Variants in ADAMTS3 observed in about 807,000 individuals in gnomAD.
ADAMTS3 encodes the protein ADAM metallopeptidase with thrombospondin type 1 motif 3.
ADAMTS3 carries 73 observed loss-of-function variants against 129.0 expected under a neutral mutation model. The observed-to-expected ratio is 0.57, with a 90% CI of 0.47 to 0.69. The LOEUF is 0.69. Among genes scored for constraint, ADAMTS3 ranks in the 30% least tolerant of loss-of-function variants. ADAMTS3 has a pLI of 0.00. For missense variants in ADAMTS3, 1,457 were observed against 1,514.5 expected (o/e 0.96, Z 0.63); for synonymous variants, 477 against 510.8 (o/e 0.93, Z 0.89).
intron 4 of ADAMTS3, among the ~76,000 whole-genome samples, chr4:72,408,339 C>T (rs889997089): frequency 3.9e-5 from 6 of 152,022 alleles, no homozygotes; most frequent in Admixed American, 2.6e-4. Flanking sequence ...AATAACCTAA[C>T]TGAATCCTCC....
chr4:72,418,062 T>C (rs1722353769), intron 3 of ADAMTS3, among the ~76,000 whole-genome samples: 2 of 152,092 alleles, frequency 1.3e-5, no homozygotes, highest in Admixed American at 1.3e-4. Context: ...ACATGCCTAC[T>C]GAAATTCAAT....
At chr4:72,357,903 T>A (rs190414003) in intron 4 of ADAMTS3, among the ~76,000 whole-genome samples, 2 of 151,970 alleles carry the variant, frequency 1.3e-5, no homozygotes. Flanking sequence ...AGGATAGAAA[T>A]ATGACTTTGT....
chr4:72,327,269 A>G (rs1011612622), intron 5 of ADAMTS3, among the ~76,000 whole-genome samples: 4 of 152,172 alleles, frequency 2.6e-5, no homozygotes. Flanking sequence ...TGAATCTGTC[A>G]AGATGGGCTA....
intron 3 of ADAMTS3, among the ~76,000 whole-genome samples, chr4:72,527,353 T>C (rs1215471109): frequency 6.6e-6 from 1 of 152,178 alleles, no homozygotes; most frequent in Non-Finnish European, 1.5e-5. Flanking sequence ...CTTTATAGCA[T>C]TTATGCCAGC....
intron 4 of ADAMTS3, among the ~76,000 whole-genome samples, chr4:72,354,709 T>C (rs960357494): frequency 1.1e-4 from 16 of 152,046 alleles, no homozygotes; most frequent in African/African-American, 3.4e-4. Flanking sequence ...CTCAACATAA[T>C]ATATCCTTCA....
At position 72,347,378 on chromosome 4, in the gene ADAMTS3, C is replaced by T. The variant is rs573635324; in HGVS notation, c.662-7685G>A. On this transcript the variant is annotated intron_variant, in intron 4 of 21. Coordinates refer to ENST00000286657, the MANE Select transcript of ADAMTS3 (RefSeq NM_014243.3). ...CCTGATAAATAAGCCCATTTATACC[C>T]TTTCTCTGCTACAGTCATCAATAGT... Among the ~76,000 whole-genome samples the T allele has an allele frequency of 4.9e-4, 75 of 151,874 alleles. No homozygotes were observed. In the South Asian group the frequency reaches 0.015, roughly 30 times the overall value.
intron 21 of ADAMTS3, among the ~76,000 whole-genome samples, chr4:72,285,769 CAA>C (rs5859311): frequency 0.24 from 22,842 of 93,448 alleles, 1,772 homozygotes; most frequent in South Asian, 0.41. Flanking sequence ...AGCTTACAGG[CAA>C]AAAAAAAAAA....
intron 3 of ADAMTS3, among the ~76,000 whole-genome samples, chr4:72,498,422 C>A (rs997974175): frequency 1.3e-5 from 2 of 151,644 alleles, no homozygotes; most frequent in Non-Finnish European, 2.9e-5. Flanking sequence ...AAGAGTTTTA[C>A]TAGAAAAGCC....
intron 4 of ADAMTS3, among the ~76,000 whole-genome samples, chr4:72,395,566 G>A (rs1721706148): frequency 6.6e-6 from 1 of 152,168 alleles, no homozygotes; most frequent in Admixed American, 6.5e-5. Flanking sequence ...GGAGTTGGGA[G>A]CCACTAAACA....
At chr4:72,346,617 T>C (rs573869274) in intron 4 of ADAMTS3, among the ~76,000 whole-genome samples, 11 of 152,186 alleles carry the variant, frequency 7.2e-5, no homozygotes, top group Admixed American at 6.6e-4. Context: ...TCAGATAAAA[T>C]AAAGTATTTT....
At chr4:72,455,058 T>C (rs914998616) in intron 3 of ADAMTS3, among the ~76,000 whole-genome samples, 1 of 151,682 alleles carries the variant, frequency 6.6e-6, no homozygotes, top group Non-Finnish European at 1.5e-5. Context: ...CAAATGATGA[T>C]GACTATATGC....
intron 2 of ADAMTS3, among the ~76,000 whole-genome samples, chr4:72,559,521 G>T (rs1370240099): frequency 1.3e-5 from 2 of 151,752 alleles, no homozygotes; most frequent in Admixed American, 1.3e-4. Context: ...TGGCTGGACA[G>T]TTTACAAGTC....
Position 72,290,928 on chromosome 4 carries a change from T to C in ADAMTS3, c.2858A>G (p.Asp953Gly). 6.2e-7 allele frequency: 1 copy of C among 1,614,018 alleles called. No homozygotes were observed. Among genetic ancestry groups the C allele is most frequent in the Non-Finnish European group, 8.5e-7 (1 of 1,179,956 alleles). ...RSVHSKYCMG[D>G]RPESRRPCNR... ...ACAGGGCCGGCGGCTCTCGGGACGG[T>C]CACCCATGCAGTATTTGCTGTGCAC... The change falls in exon 20 of 22, where the codon GAC becomes GGC. Residue 953 changes from aspartate (D) to glycine (G), a missense_variant. Physicochemically the swap from Asp to Gly is moderately conservative, Grantham distance 94. Transcript: ENST00000286657.
chr4:72,378,357 G>C (rs1263910330), intron 4 of ADAMTS3, among the ~76,000 whole-genome samples: 1 of 152,166 alleles, frequency 6.6e-6, no homozygotes, highest in East Asian at 1.9e-4. Context: ...TGGAGAATTT[G>C]TGGGTTCTGT....
At chr4:72,405,748 T>C (rs933500931) in intron 4 of ADAMTS3, among the ~76,000 whole-genome samples, 3 of 152,058 alleles carry the variant, frequency 2.0e-5, no homozygotes, top group Admixed American at 6.6e-5. Context: ...AAGACAATGG[T>C]TGTAATTTCT....
At chr4:72,519,729 A>G (rs1278880211) in intron 3 of ADAMTS3, among the ~76,000 whole-genome samples, 2 of 152,070 alleles carry the variant, frequency 1.3e-5, no homozygotes, top group Non-Finnish European at 2.9e-5. Flanking sequence ...TATTCTAGTT[A>G]TACATTCGTC....
chr4:72,426,816 C>T (rs1482867502), intron 3 of ADAMTS3, among the ~76,000 whole-genome samples: 1 of 152,032 alleles, frequency 6.6e-6, no homozygotes, highest in Non-Finnish European at 1.5e-5. Context: ...CTTGCTTGAA[C>T]CCTGGAGGTC....
Position 72,319,980 on chromosome 4 carries a change from T to C in ADAMTS3, c.1103-17A>G. 1 of 1,590,462 alleles carries C rather than the reference T, an allele frequency of 6.3e-7. No homozygotes were observed. Among genetic ancestry groups the C allele is most frequent in the African/African-American group, 1.3e-5 (1 of 74,492 alleles). On this transcript the variant is annotated splice_polypyrimidine_tract_variant and intron_variant, in intron 7 of 21. Transcript: ENST00000286657. ...GAGCATATCCTGTAGAGAATAACAA[T>C]TACTTTTATTTTCATTTTATGAGAA...
chr4:72,421,246 T>C (rs1722437390), intron 3 of ADAMTS3, among the ~76,000 whole-genome samples: 1 of 152,214 alleles, frequency 6.6e-6, no homozygotes, highest in African/African-American at 2.4e-5. Flanking sequence ...CTACCCCACT[T>C]ATATCAATTA....
Sources: gnomAD v4.1 joint callset for allele counts (sites outside exome capture counted in the v4.1 genomes callset) on GRCh38, gnomAD v4.1.1 for gene constraint, MANE v1.5 for transcripts, NCBI Gene and HGNC (gene_info 2026-07-23, HGNC 2026-07-21) for gene names.